Variants in GNL3L observed in about 807,000 individuals in gnomAD.
GNL3L encodes G protein nucleolar 3 like.
A neutral mutation model predicts 42.9 loss-of-function variants in GNL3L; 4 were observed. The ratio of observed to expected loss-of-function variants is 0.09; its 90% CI spans 0.05 to 0.21. The LOEUF is 0.21. Ranked by LOEUF, GNL3L falls within the 10% of genes least tolerant of loss-of-function variation. The pLI is 1.00. For synonymous variants in GNL3L, 159 were observed against 176.3 expected, an observed-to-expected ratio of 0.90 and a Z score of 0.78; for missense variants, 412 against 481.7, an observed-to-expected ratio of 0.86 and a Z score of 1.36.
chrX:54,546,971 A>G (rs1258045793), intron 8 of GNL3L, among the ~76,000 whole-genome samples: 1 of 108,838 alleles, frequency 9.2e-6, no homozygotes, highest in East Asian at 2.9e-4. Context: ...TGGCAAAAAT[A>G]GAAGCCGCCT....
At chrX:54,583,473 C>T (rs748681243) in intron 16 of GNL3L, among the ~76,000 whole-genome samples, 43 of 111,065 alleles carry the variant, frequency 3.9e-4, no homozygotes, top group African/African-American at 9.5e-4. Context: ...GGATTACAGG[C>T]GAGAGCCACT....
At chrX:54,630,708 T>TTTTC in the GNL3L span, among the ~76,000 whole-genome samples, 6 of 58,651 alleles carry the variant, frequency 1.0e-4, 1 homozygote, top group African/African-American at 5.7e-4. Flanking sequence ...CTTTCTTTCT[T>TTTTC]TTTCTTTCTT....
At chrX:54,548,527 A>G in intron 9 of GNL3L, among the ~76,000 whole-genome samples, 154 bp downstream of exon 9, 1 of 111,247 alleles carries the variant, frequency 9.0e-6, no homozygotes, top group East Asian at 2.8e-4. Flanking sequence ...ATGGGTGGGC[A>G]TCACTGCGTA....
Position 54,564,402 on chromosome X carries a change from CT to C in GNL3L, c.*3820del, listed in dbSNP as rs567172499. The stretch of plus-strand genomic sequence containing the variant: ...AGTCACTGGTTTTTTTCTTCGTTCT[CT>C]TTTTTTTTTTTTTTTTTTTGAGACA... On this transcript the variant is annotated 3_prime_UTR_variant, in exon 16 of 16. Coordinates refer to ENST00000360845, the MANE Select transcript of GNL3L (RefSeq NM_001184819.2). 0.011 allele frequency among the ~76,000 whole-genome samples: 854 copies of C among 80,774 alleles called. 5 individuals are homozygous for C. Among genetic ancestry groups the C allele is most frequent in the African/African-American group, 0.034 (675 of 20,058 alleles). The allele number at this position is 80,774 out of a possible 115,157, so 70.1% of individuals were successfully genotyped here. A position where few individuals can be genotyped will look rare whatever the true frequency, so the allele number is the denominator to read the frequency against.
intron 16 of GNL3L, among the ~76,000 whole-genome samples, chrX:54,583,677 T>C: frequency 9.0e-6 from 1 of 111,443 alleles, no homozygotes; most frequent in Admixed American, 9.6e-5. Flanking sequence ...AAGGTCTCAC[T>C]GTCACCCACG....
the GNL3L span, among the ~76,000 whole-genome samples, chrX:54,628,916 TATA>T: frequency 9.5e-6 from 1 of 105,396 alleles, no homozygotes; most frequent in Non-Finnish European, 1.9e-5. Context: ...CATAATATAA[TATA>T]ATTATAAAAT....
chrX:54,624,438 C>CTTTTTTTTTTTTTTTTTT (rs761943977), downstream of GNL3L, among the ~76,000 whole-genome samples: 2 of 82,474 alleles, frequency 2.4e-5, no homozygotes, highest in Non-Finnish European at 4.6e-5. Flanking sequence ...TTTTCTTTTT[C>CTTTTTTTTTTTTTTTTTT]TTTTTTTTTT....
chrX:54,575,470 C>T (rs763812335), intron 16 of GNL3L, among the ~76,000 whole-genome samples: 2 of 112,625 alleles, frequency 1.8e-5, no homozygotes, highest in Non-Finnish European at 3.8e-5. Context: ...CAGTGGCTCA[C>T]GCCTGTAATC....
rs371840838 is a variant in GNL3L at position 54,542,999 on chromosome X, C to T, written c.351C>T (p.Asp117=). Reference sequence around the variant, plus strand: ...TAAATATGTTTCCTCAGCTGGATGACGAGGCCACGAGGAAGGCTTATTACA... The same window carrying T: ...TAAATATGTTTCCTCAGCTGGATGATGAGGCCACGAGGAAGGCTTATTACA... ...QELNMFPQLD[D]EATRKAYYKE... is the part of the protein sequence containing the mutation. Residue 117 remains aspartate, a synonymous_variant, in exon 6 of 16, where the codon GAC becomes GAT. Transcript: ENST00000360845. 61 of 1,186,736 alleles carry T rather than the reference C, an allele frequency of 5.1e-5. No individual in the cohort carries two copies. Among genetic ancestry groups the T allele is most frequent in the Admixed American group, 1.3e-4 (6 of 45,474 alleles).
intron 16 of GNL3L, among the ~76,000 whole-genome samples, chrX:54,593,639 C>A (rs1399016840): frequency 9.1e-6 from 1 of 109,855 alleles, no homozygotes; most frequent in African/African-American, 3.3e-5. Context: ...TTTTCTTCTA[C>A]TAATTTTGTG....
chrX:54,587,435 G>A (rs1393160395), intron 16 of GNL3L, among the ~76,000 whole-genome samples: 1 of 111,295 alleles, frequency 9.0e-6, no homozygotes, highest in African/African-American at 3.3e-5. Flanking sequence ...GGGAGCTCCA[G>A]TGTTGTGTTT....
At chrX:54,641,983 G>A in the GNL3L span, among the ~76,000 whole-genome samples, 13 of 111,895 alleles carry the variant, frequency 1.2e-4, no homozygotes, top group African/African-American at 4.2e-4. Flanking sequence ...CCAGAGCAGA[G>A]GGTCCATGCC....
intron 15 of GNL3L, among the ~76,000 whole-genome samples, chrX:54,559,888 A>G (rs1925208820): frequency 8.9e-6 from 1 of 111,997 alleles, no homozygotes; most frequent in Non-Finnish European, 1.9e-5. Flanking sequence ...GGGAATTCAG[A>G]TGAATTGCCT....
At chrX:54,633,859 G>A in the GNL3L span, among the ~76,000 whole-genome samples, 1 of 112,905 alleles carries the variant, frequency 8.9e-6, no homozygotes, top group African/African-American at 3.2e-5. Flanking sequence ...AAAGCAAGCA[G>A]GGCTTTCAGG....
intron 2 of GNL3L, among the ~76,000 whole-genome samples, chrX:54,533,850 A>G (rs1468096463): frequency 9.0e-6 from 1 of 111,062 alleles, no homozygotes; most frequent in African/African-American, 3.3e-5. Context: ...AAATATTGAT[A>G]GTGATGGAAA....
rs1428477433 is a variant in GNL3L at position 54,551,986 on chromosome X, G to A, written c.1181+12G>A. 1.7e-6 allele frequency: 2 copies of A among 1,207,724 alleles called. No homozygotes were observed. The highest frequency in any genetic ancestry group is 3.0e-5 in the East Asian group (1 of 33,746). The stretch of plus-strand genomic sequence containing the variant: ...GCTGACTGGGTGAGGTGAGGAGGGG[G>A]TTAGGGGTAAGGGTGAGGCCCGCTG... On this transcript the variant is annotated intron_variant, in intron 12 of 15. Coordinates refer to ENST00000360845, the MANE Select transcript of GNL3L (RefSeq NM_001184819.2).
chrX:54,594,530 G>A (rs1269288220), intron 16 of GNL3L, among the ~76,000 whole-genome samples: 1 of 105,493 alleles, frequency 9.5e-6, no homozygotes, highest in African/African-American at 3.4e-5. Flanking sequence ...GTCAGCAACA[G>A]ATCATTGGGC....
chrX:54,622,117 C>T (rs903317182), downstream of GNL3L, among the ~76,000 whole-genome samples: 21 of 109,975 alleles, frequency 1.9e-4, no homozygotes, highest in East Asian at 3.7e-3. Context: ...TTAATAGATA[C>T]GTAGTGATTT....
At chrX:54,592,006 A>G (rs1925877740) in intron 16 of GNL3L, among the ~76,000 whole-genome samples, 1 of 111,785 alleles carries the variant, frequency 8.9e-6, no homozygotes, top group Admixed American at 9.5e-5. Context: ...AGTGTTTTAT[A>G]GTTTCCATTA....
Sources: gnomAD v4.1 joint callset for allele counts (sites outside exome capture counted in the v4.1 genomes callset) on GRCh38, gnomAD v4.1.1 for gene constraint, MANE v1.5 for transcripts, NCBI Gene and HGNC (gene_info 2026-07-23, HGNC 2026-07-21) for gene names.